The following FRY variants were observed in gnomAD, a reference collection of about 807,000 sequenced individuals.
FRY encodes FRY microtubule binding protein, also known as protein furry homolog.
A neutral mutation model predicts 348.4 loss-of-function variants in FRY; 128 were observed. The observed-to-expected ratio is 0.37, with a 90% CI of 0.32 to 0.43. The LOEUF (loss-of-function observed/expected upper bound fraction) is 0.43, where lower values mean the gene tolerates loss of function less well. FRY is among the 20% of genes least tolerant of loss of function. FRY has a pLI of 1.00. For synonymous variants in FRY, 1,370 were observed against 1,374.7 expected (o/e 1.00, Z 0.08); for missense variants, 2,736 against 3,695.2 (o/e 0.74, Z 6.73).
chr13:32,261,820 A>G lies in FRY; in HGVS notation c.7617+4A>G, dbSNP rs1887662886. ...GATCCTGGAGCACTCAGACCTAGTA[A>G]GTAGCGGCTCTCCCACTCTAAGAAT... On this transcript the variant is annotated splice_donor_region_variant and intron_variant, in intron 52 of 60. Coordinates refer to ENST00000542859, the MANE Select transcript of FRY (RefSeq NM_023037.3). 1 of 1,613,494 alleles carries G rather than the reference A, an allele frequency of 6.2e-7. No individual in the cohort carries two copies. Among genetic ancestry groups the G allele is most frequent in the Non-Finnish European group, 8.5e-7 (1 of 1,179,416 alleles).
At chr13:32,260,762 G>A (rs1264394106) in intron 51 of FRY, among the ~76,000 whole-genome samples, 8 of 151,990 alleles carry the variant, frequency 5.3e-5, no homozygotes, top group East Asian at 1.9e-4. Flanking sequence ...GGAGGTTGCC[G>A]CAAGCTGAGA....
At chr13:32,094,203 TTTTC>T (rs1876532250) in intron 2 of FRY, among the ~76,000 whole-genome samples, 1 of 152,158 alleles carries the variant, frequency 6.6e-6, no homozygotes, top group South Asian at 2.1e-4. Flanking sequence ...TTCTCTTTTC[TTTTC>T]TTTATTTTTT....
At chr13:32,171,504 G>A (rs535270923) in intron 18 of FRY, among the ~76,000 whole-genome samples, 2 of 151,822 alleles carry the variant, frequency 1.3e-5, no homozygotes, top group African/African-American at 2.4e-5. Context: ...AGAGATTGGG[G>A]TTTTGCCGTC....
At chr13:32,232,293 G>A (rs1261526130) in intron 41 of FRY, among the ~76,000 whole-genome samples, 1 of 152,126 alleles carries the variant, frequency 6.6e-6, no homozygotes, top group East Asian at 1.9e-4. Flanking sequence ...TTCTTGGAGG[G>A]TACTTCAGGC....
chr13:32,088,817 G>A (rs73167112), intron 2 of FRY, among the ~76,000 whole-genome samples: 8,516 of 152,118 alleles, frequency 0.056, 349 homozygotes, highest in African/African-American at 0.11. Flanking sequence ...TATTTCTGGT[G>A]ACTTTATGAA....
intron 17 of FRY, among the ~76,000 whole-genome samples, chr13:32,165,345 T>G (rs974758864): frequency 1.3e-5 from 2 of 152,218 alleles, no homozygotes; most frequent in Non-Finnish European, 2.9e-5. Flanking sequence ...TTGTTTGGAG[T>G]AGCTGAAAGA....
rs559117204 is a variant in FRY at position 32,230,582 on chromosome 13, G to A, written c.5406-597G>A. ...ACTGATGGGCATTTGGGCTGATTCC[G>A]TGTCTTTGCTATTGGGAATAGTGTT... is the stretch of plus-strand genomic sequence containing the variant. On this transcript the variant is annotated intron_variant, in intron 40 of 60. Transcript: ENST00000542859. Among the ~76,000 whole-genome samples the A allele has an allele frequency of 1.6e-3, 249 of 152,250 alleles. 1 individual carries two copies. Among genetic ancestry groups the A allele is most frequent in the African/African-American group, 4.9e-3 (202 of 41,548 alleles).
chr13:32,046,164 C>T (rs997821716), intron 1 of FRY, among the ~76,000 whole-genome samples: 4 of 152,170 alleles, frequency 2.6e-5, no homozygotes, highest in Admixed American at 6.5e-5. Context: ...AATGAAAATG[C>T]TCTTCAGGCT....
chr13:32,157,530 T>TAA (rs11409421), intron 16 of FRY, 125 bp downstream of exon 16: 3,251 of 669,812 alleles, frequency 4.9e-3, no homozygotes, highest in East Asian at 8.2e-3. Context: ...TAAAGATAGT[T>TAA]AAAAAAAAAC....
chr13:32,270,715 A>T (rs1186221079), intron 55 of FRY, among the ~76,000 whole-genome samples: 1 of 152,160 alleles, frequency 6.6e-6, no homozygotes, highest in Non-Finnish European at 1.5e-5. Context: ...TTCAGTTAGT[A>T]AAGCCTTCTG....
intron 1 of FRY, among the ~76,000 whole-genome samples, chr13:32,035,164 C>A (rs1194589676): frequency 1.3e-5 from 2 of 152,202 alleles, no homozygotes; most frequent in African/African-American, 2.4e-5. Flanking sequence ...CACTTCAAAT[C>A]GGATGTAGAC....
At chr13:32,275,472 C>A (rs1888491205) in intron 56 of FRY, among the ~76,000 whole-genome samples, 1 of 152,228 alleles carries the variant, frequency 6.6e-6, no homozygotes, top group Non-Finnish European at 1.5e-5. Context: ...AATATAAATA[C>A]TGCATATGGC....
At chr13:32,198,931 A>AT (rs1297675321) in intron 29 of FRY, among the ~76,000 whole-genome samples, 1 of 152,182 alleles carries the variant, frequency 6.6e-6, no homozygotes, top group African/African-American at 2.4e-5. Context: ...CTCTCTATGA[A>AT]TTTTTTCTAA....
intron 2 of FRY, among the ~76,000 whole-genome samples, chr13:32,094,170 C>G (rs376614441): frequency 1.7e-4 from 26 of 152,034 alleles, no homozygotes; most frequent in African/African-American, 6.3e-4. Context: ...AGTAGAACTG[C>G]AAGCAGAAGC....
intron 60 of FRY, 65 bp from the exon 61 acceptor site, chr13:32,295,136 GA>G: frequency 7.1e-7 from 1 of 1,405,086 alleles, no homozygotes; most frequent in Admixed American, 1.7e-5. Flanking sequence ...TATTAATGAA[GA>G]CTCATAAGCT....
At chr13:32,044,418 G>A (rs1345655263) in intron 1 of FRY, among the ~76,000 whole-genome samples, 4 of 152,214 alleles carry the variant, frequency 2.6e-5, no homozygotes, top group Non-Finnish European at 5.9e-5. Context: ...GGACTGCCAT[G>A]TTTCAGCCAC....
chr13:32,038,544 A>C (rs550209828), intron 1 of FRY: 12 of 152,316 alleles, frequency 7.9e-5, no homozygotes, highest in African/African-American at 2.6e-4. Context: ...ATAAGACACA[A>C]CTTAACCTCA....
At chr13:32,061,150 C>A (rs775000365) in intron 1 of FRY, 10 of 533,378 alleles carry the variant, frequency 1.9e-5, no homozygotes, top group Non-Finnish European at 3.5e-5. Context: ...TGATCAGCTT[C>A]ATAAAAGGGC....
intron 57 of FRY, among the ~76,000 whole-genome samples, chr13:32,278,134 A>G (rs1888628068): frequency 6.6e-6 from 1 of 152,200 alleles, no homozygotes; most frequent in Admixed American, 6.5e-5. Flanking sequence ...CCTGTCTTCT[A>G]ACCCCAATTG....
Sources: allele counts gnomAD v4.1 joint callset (sites outside exome capture counted in the v4.1 genomes callset), GRCh38; gene constraint gnomAD v4.1.1; transcripts MANE v1.5; gene names NCBI Gene and HGNC (gene_info 2026-07-23, HGNC 2026-07-21).